Variants in CIITA observed in about 807,000 individuals in gnomAD.
CIITA encodes the protein MHC class II transactivator.
CIITA carries 72 observed loss-of-function variants against 115.1 expected under a neutral mutation model. The observed-to-expected ratio is 0.63, with a 90% confidence interval of 0.52 to 0.76. The LOEUF is 0.76. Among genes scored for constraint, CIITA ranks in the 30% least tolerant of loss-of-function variants. CIITA has a pLI of 0.00. For missense variants in CIITA, 1,617 were observed against 1,463.8 expected (o/e 1.10, Z -1.71); for synonymous variants, 763 against 635.6 (o/e 1.20, Z -3.02).
At chr16:10,866,217 T>C (rs1596371904), upstream of CIITA, 1 of 441,952 alleles carries the variant, frequency 2.3e-6, no homozygotes, top group East Asian at 4.4e-5. Flanking sequence ...CTTCATGTTT[T>C]GGATGCTGCA....
At chr16:10,867,322 T>TTG (rs1555492079) in intron 1 of CIITA, among the ~76,000 whole-genome samples, 2 of 68,794 alleles carry the variant, frequency 2.9e-5, no homozygotes, top group Non-Finnish European at 5.1e-5. Context: ...ACTGTGTGTG[T>TTG]TGGGGGGGGG....
chr16:10,867,102 G>T (rs1423934651), intron 1 of CIITA, among the ~76,000 whole-genome samples: 1 of 152,186 alleles, frequency 6.6e-6, no homozygotes, highest in Non-Finnish European at 1.5e-5. Flanking sequence ...AAAACAGCCA[G>T]ACATCCTGGT....
chr16:10,902,072 A>G lies in CIITA; in HGVS notation c.516A>G (p.Leu172=). The G allele has an allele frequency of 6.2e-7, 1 of 1,614,132 alleles. No individual in the cohort carries two copies. The highest frequency in any genetic ancestry group is 1.6e-4 in the Middle Eastern group (1 of 6,062). Residue 172 remains leucine (L), a synonymous_variant, in exon 7 of 20, where the codon CTA becomes CTG. Coordinates refer to ENST00000324288, the MANE Select transcript of CIITA (RefSeq NM_000246.4). ...CCACTGTGGTGACTGGCAGTCTCCT[A>G]GTGGGACCAGTGAGCGACTGCTCCA... ...EPPTVVTGSL[L]VGPVSDCSTL... is the part of the protein sequence containing the mutation.
At chr16:10,887,786 C>T (rs945287955) in intron 1 of CIITA, among the ~76,000 whole-genome samples, 2 of 152,172 alleles carry the variant, frequency 1.3e-5, no homozygotes, top group African/African-American at 4.8e-5. Context: ...TGAGCCACCA[C>T]CCCTGGCCTC....
rs371653584 is a variant in CIITA, at chr16:10,902,703, G to A, written c.674G>A (p.Gly225Glu). Residue 225 changes from glycine (G) to glutamate (E), a missense_variant, in exon 8 of 20, where the codon GGA (glycine) becomes GAA (glutamate). Transcript: ENST00000324288. ...SSLSCLNLPE[G>E]PIQFVPTIST... ...TTGAGCTGCCTGAATCTCCCTGAGG[G>A]ACCCATCCAGTTTGTCCCCACCATC... is the stretch of plus-strand genomic sequence containing the variant. 2.7e-5 allele frequency: 43 copies of A among 1,614,078 alleles called. 1 individual carries two copies. Among genetic ancestry groups the A allele is most frequent in the Non-Finnish European group, 3.6e-5 (42 of 1,180,036 alleles).
At chr16:10,874,675 G>A (rs1442024670), upstream of CIITA, among the ~76,000 whole-genome samples, 1 of 152,244 alleles carries the variant, frequency 6.6e-6, no homozygotes, top group Admixed American at 6.5e-5. Context: ...GTCTGGAGGA[G>A]TCAGGGAAGA....
chr16:10,900,546 C>A (rs1417033734), intron 5 of CIITA, among the ~76,000 whole-genome samples: 1 of 151,860 alleles, frequency 6.6e-6, no homozygotes. Flanking sequence ...TTGAGACCAG[C>A]CTGGCCAACA....
chr16:10,893,769 C>T (rs1360308180), intron 1 of CIITA, among the ~76,000 whole-genome samples: 1 of 136,804 alleles, frequency 7.3e-6, no homozygotes, highest in Non-Finnish European at 1.5e-5. Context: ...AGATTGCACC[C>T]CTGCACTCCA....
Position 10,935,150 on chromosome 16 carries a change from G to A in CIITA, c.*11295G>A, listed in dbSNP as rs1461664462. 2.0e-5 allele frequency: 3 copies of A among 152,252 alleles called. No homozygotes were observed. The highest frequency in any genetic ancestry group is 4.1e-4 in the South Asian group (2 of 4,832). 9.4% of individuals were successfully genotyped at this position (152,252 alleles called of 1,614,324 possible). ...CCGAGGCTTAGGAGATGAAGTCTGAGGTGTTGGTGGAGCTGGGATTTAAAC... is the reference window on the plus strand; with the variant it reads ...CCGAGGCTTAGGAGATGAAGTCTGAAGTGTTGGTGGAGCTGGGATTTAAAC... On this transcript the variant is annotated 3_prime_UTR_variant, in exon 20 of 20. Transcript: ENST00000324288.
Position 10,907,844 on chromosome 16 carries a change from G to C in CIITA, c.2352G>C (p.Arg784Ser), listed in dbSNP as rs775129840. Residue 784 changes from arginine (R) to serine (S), a missense_variant, in exon 11 of 20, where the codon AGG (arginine) becomes AGC (serine). By Grantham distance (110) the Arg-to-Ser change is moderately radical (BLOSUM62 -1). Coordinates refer to ENST00000324288, the MANE Select transcript of CIITA (RefSeq NM_000246.4). The surrounding 1 kb of genome is among the most constrained non-coding windows in gnomAD (Gnocchi z 5.0). Reference sequence around the variant, plus strand: ...CATCGGCGGCTGCCTCGGTGGACAGGAAGCAGAAGGTGCTTGCGAGGTACC... The same window carrying C: ...CATCGGCGGCTGCCTCGGTGGACAGCAAGCAGAAGGTGCTTGCGAGGTACC... ...LGPSAAASVD[R>S]KQKVLARYLK... 1.9e-6 allele frequency: 3 copies of C among 1,613,238 alleles called. No individual in the cohort carries two copies. Among genetic ancestry groups the C allele is most frequent in the Non-Finnish European group, 1.7e-6 (2 of 1,179,616 alleles).
intron 11 of CIITA, chr16:10,908,350 T>C (rs2144752682): frequency 1.4e-6 from 1 of 715,224 alleles, no homozygotes; most frequent in Non-Finnish European, 2.5e-6. Context: ...TGAGAGGCAA[T>C]GGCATTCTCC....
chr16:10,914,961 T>C, intron 13 of CIITA: 1 of 422,752 alleles, frequency 2.4e-6, no homozygotes, highest in Non-Finnish European at 4.7e-6. Context: ...TCTGTGGATG[T>C]TGGGAAGAGT....
At chr16:10,906,305 A>G (rs2039146129) in intron 10 of CIITA, among the ~76,000 whole-genome samples, 194 bp from the exon 11 acceptor site, 2 of 152,146 alleles carry the variant, frequency 1.3e-5, no homozygotes, top group African/African-American at 4.8e-5. Flanking sequence ...GGTTGCAGCG[A>G]GCTGTGATCA....
chr16:10,907,552 C>G lies in CIITA; in HGVS notation c.2060C>G (p.Thr687Ser). ...EDQFPSADVR[T>S]WAMAKGLVQH... ...CAGTTCCCATCCGCAGACGTGAGGA[C>G]CTGGGCGATGGCCAAAGGCTTAGTC... Residue 687 changes from threonine (T) to serine (S), a missense_variant, in exon 11 of 20, where the codon ACC becomes AGC. Transcript: ENST00000324288. This position sits in a 1 kb window ranked among gnomAD's most constrained non-coding sequence, Gnocchi z 5.0. 2 of 1,614,204 alleles carry G rather than the reference C, an allele frequency of 1.2e-6. No homozygotes were observed. The highest frequency in any genetic ancestry group is 1.7e-6 in the Non-Finnish European group (2 of 1,180,030).
chr16:10,874,707 T>A (rs1428932178), upstream of CIITA, among the ~76,000 whole-genome samples: 4 of 152,190 alleles, frequency 2.6e-5, no homozygotes, highest in Non-Finnish European at 5.9e-5. Flanking sequence ...AAGGTGGTAC[T>A]GAAACGAACC....
chr16:10,868,572 CT>C (rs2035254363), intron 1 of CIITA, among the ~76,000 whole-genome samples: 1 of 152,190 alleles, frequency 6.6e-6, no homozygotes, highest in Non-Finnish European at 1.5e-5. Flanking sequence ...AACATTCTCC[CT>C]TGGCTTCTCA....
In CIITA at chr16:10,929,462, C is replaced by T. The variant is rs2040681880; in HGVS notation, c.*5607C>T. Reference sequence around the variant, plus strand: ...GTTCCCCCTTCTGTGGGAGCAGGTGCCTTCCCAACCTCAGCACTCAGTCCC... The same window carrying T: ...GTTCCCCCTTCTGTGGGAGCAGGTGTCTTCCCAACCTCAGCACTCAGTCCC... On this transcript the variant is annotated 3_prime_UTR_variant, in exon 20 of 20. Transcript: ENST00000324288. The surrounding 1 kb of genome is among the most constrained non-coding windows in gnomAD (Gnocchi z 4.3). 7.1e-6 allele frequency: 7 copies of T among 985,764 alleles called. No homozygotes were observed. The highest frequency in any genetic ancestry group is 8.4e-6 in the Non-Finnish European group (7 of 829,938). The allele number at this position is 985,764 out of a possible 1,614,324, so 61.1% of individuals were successfully genotyped here. A position where few individuals can be genotyped will look rare whatever the true frequency, so the allele number is the denominator to read the frequency against.
intron 13 of CIITA, chr16:10,913,287 C>CTTT (rs775872381): frequency 1.3e-5 from 2 of 150,250 alleles, no homozygotes; most frequent in African/African-American, 4.9e-5. Flanking sequence ...TTCTTTCTTT[C>CTTT]TTTCCCTTTC....
chr16:10,936,610 T>G (rs986209657), downstream of CIITA: 5 of 152,186 alleles, frequency 3.3e-5, no homozygotes, highest in African/African-American at 1.2e-4. Context: ...AGGTTTTTGT[T>G]TGTTTGTTTG....
Sources: gnomAD v4.1 joint callset for allele counts (sites outside exome capture counted in the v4.1 genomes callset) on GRCh38, gnomAD v4.1.1 for gene constraint, Gnocchi (gnomAD v3.1) non-coding constraint, MANE v1.5 for transcripts, NCBI Gene and HGNC (gene_info 2026-07-23, HGNC 2026-07-21) for gene names.